SLC14A2: variants seen among roughly 807,000 people sequenced by gnomAD.
SLC14A2 encodes the protein solute carrier family 14 member 2.
Under a neutral mutation model 104.6 loss-of-function variants are expected in SLC14A2, and 91 were observed. That is an observed-to-expected ratio of 0.87 (90% CI 0.73 to 1.04). The LOEUF (loss-of-function observed/expected upper bound fraction) is 1.04. Ranked by LOEUF, SLC14A2 falls within the 50% of genes least tolerant of loss-of-function variation. The pLI is 0.00. For synonymous variants in SLC14A2, 476 were observed against 466.4 expected (o/e 1.02, Z -0.27); for missense variants, 1,189 against 1,156.0 (o/e 1.03, Z -0.41).
chr18:45,205,308 G>C, the SLC14A2 span, among the ~76,000 whole-genome samples: 2 of 152,190 alleles, frequency 1.3e-5, no homozygotes, highest in Non-Finnish European at 2.9e-5. Flanking sequence ...TACAAGTACA[G>C]GTTGCATGAA....
chr18:45,661,330 C>T (rs1285811590), intron 10 of SLC14A2, among the ~76,000 whole-genome samples: 1 of 152,158 alleles, frequency 6.6e-6, no homozygotes, highest in Non-Finnish European at 1.5e-5. Flanking sequence ...ACTGGAGTGC[C>T]TCTTTGGATA....
At chr18:45,237,703 C>G (rs1264936649) in intron 1 of SLC14A2, among the ~76,000 whole-genome samples, 1 of 152,180 alleles carries the variant, frequency 6.6e-6, no homozygotes, top group Admixed American at 6.5e-5. Context: ...TTCTGAAATG[C>G]TGAGAACTCT....
intron 1 of SLC14A2, among the ~76,000 whole-genome samples, chr18:45,312,940 C>T (rs758386299): frequency 6.6e-6 from 1 of 152,154 alleles, no homozygotes; most frequent in Non-Finnish European, 1.5e-5. Flanking sequence ...TCAGGGAAGC[C>T]GGTTGGCCTC....
intron 1 of SLC14A2, among the ~76,000 whole-genome samples, chr18:45,400,312 G>A (rs560694642): frequency 3.9e-5 from 6 of 152,214 alleles, no homozygotes; most frequent in Admixed American, 2.6e-4. Context: ...TGTGTTTTGC[G>A]ATTACAAGGC....
At chr18:45,282,374 T>C (rs1326677205) in intron 1 of SLC14A2, among the ~76,000 whole-genome samples, 1 of 152,170 alleles carries the variant, frequency 6.6e-6, no homozygotes, top group Non-Finnish European at 1.5e-5. Context: ...CCTGGAGTTA[T>C]TCTAAGAATT....
intron 1 of SLC14A2, among the ~76,000 whole-genome samples, chr18:45,403,320 G>T (rs1435674313): frequency 6.6e-6 from 1 of 152,118 alleles, no homozygotes; most frequent in African/African-American, 2.4e-5. Flanking sequence ...CAGTCACACT[G>T]GGGATTAGGG....
In SLC14A2 at chr18:45,248,296, A is replaced by C. The variant is rs535546169; in HGVS notation, c.-125+35105A>C. 7.9e-5 allele frequency among the ~76,000 whole-genome samples: 12 copies of C among 152,258 alleles called. No homozygotes were observed. The South Asian group carries it at 2.5e-3, about 32-fold the overall frequency. ...TGTCAAACCCATTTTATCGTCCCAT[A>C]GCAAATACCGGATGCTTTGATTTGA... On this transcript the variant is annotated intron_variant, in intron 1 of 20. Transcript: ENST00000586448.
intron 2 of SLC14A2, among the ~76,000 whole-genome samples, chr18:45,523,381 G>A (rs1223933482): frequency 6.6e-6 from 1 of 151,904 alleles, no homozygotes; most frequent in African/African-American, 2.4e-5. Context: ...CCAGGCTGGA[G>A]TGCAGTGGCG....
Position 45,624,732 on chromosome 18 carries a change from CAG to C in SLC14A2, c.71_72del (p.Glu24ValfsTer24). 6.2e-7 allele frequency: 1 copy of C among 1,613,486 alleles called. No homozygotes were observed. The highest frequency in any genetic ancestry group is 8.5e-7 in the Non-Finnish European group (1 of 1,179,682). ...TCCAGCAGATACAAACTCTACGAGG[CAG>C]AGTTTACCAGCCCGAGCTGGCCCTC... On this transcript the variant is annotated frameshift_variant, in exon 2 of 20. Coordinates refer to ENST00000255226, the MANE Select transcript of SLC14A2 (RefSeq NM_007163.4). LOFTEE classifies it high-confidence loss of function.
intron 2 of SLC14A2, among the ~76,000 whole-genome samples, chr18:45,565,451 T>G (rs1291725859): frequency 6.6e-6 from 1 of 152,226 alleles, no homozygotes; most frequent in African/African-American, 2.4e-5. Context: ...TACGTGAGCA[T>G]GCATGTGCAT....
chr18:45,615,836 T>TGTGTGA (rs752876528), intron 1 of SLC14A2, among the ~76,000 whole-genome samples: 11 of 148,660 alleles, frequency 7.4e-5, no homozygotes, highest in Admixed American at 3.3e-4. Flanking sequence ...TGTGTGTGTG[T>TGTGTGA]GAGAGAGAGA....
At chr18:45,455,545 G>A (rs910701891) in intron 1 of SLC14A2, among the ~76,000 whole-genome samples, 1 of 152,036 alleles carries the variant, frequency 6.6e-6, no homozygotes, top group African/African-American at 2.4e-5. Context: ...ACTAATGTAG[G>A]TGATGGGTTG....
At chr18:45,264,060 C>T (rs2084566920) in intron 1 of SLC14A2, among the ~76,000 whole-genome samples, 1 of 152,118 alleles carries the variant, frequency 6.6e-6, no homozygotes, top group Non-Finnish European at 1.5e-5. Flanking sequence ...TTCTATCTAT[C>T]CATCTATCTC....
At chr18:45,592,777 C>A (rs1212579719) in intron 2 of SLC14A2, among the ~76,000 whole-genome samples, 1 of 152,198 alleles carries the variant, frequency 6.6e-6, no homozygotes, top group Non-Finnish European at 1.5e-5. Context: ...CAGTTCAAGT[C>A]CAGCAGAGCC....
At chr18:45,198,928 T>G in the SLC14A2 span, among the ~76,000 whole-genome samples, 2 of 152,184 alleles carry the variant, frequency 1.3e-5, no homozygotes, top group Non-Finnish European at 2.9e-5. Context: ...ACCTAGTTTC[T>G]TTGTGCACCA....
At chr18:45,242,907 A>G (rs1434735801) in intron 1 of SLC14A2, among the ~76,000 whole-genome samples, 2 of 152,226 alleles carry the variant, frequency 1.3e-5, no homozygotes, top group East Asian at 3.9e-4. Flanking sequence ...GGTTTGGCCT[A>G]TTGAGCTAAG....
chr18:45,605,712 T>C (rs1225531001), intron 2 of SLC14A2, among the ~76,000 whole-genome samples: 1 of 152,138 alleles, frequency 6.6e-6, no homozygotes, highest in Non-Finnish European at 1.5e-5. Flanking sequence ...TAAATTTAGA[T>C]CCCAGGTCTC....
At chr18:45,498,984 C>T (rs1430804813) in intron 2 of SLC14A2, among the ~76,000 whole-genome samples, 1 of 152,196 alleles carries the variant, frequency 6.6e-6, no homozygotes, top group Non-Finnish European at 1.5e-5. Context: ...GTCACTGTAA[C>T]CATTACTTGG....
At chr18:45,400,158 A>G (rs2086080223) in intron 1 of SLC14A2, among the ~76,000 whole-genome samples, 1 of 152,230 alleles carries the variant, frequency 6.6e-6, no homozygotes, top group African/African-American at 2.4e-5. Flanking sequence ...ACCCCAATCA[A>G]GTTACACTAA....
Sources: allele counts gnomAD v4.1 joint callset (sites outside exome capture counted in the v4.1 genomes callset), GRCh38; gene constraint gnomAD v4.1.1; transcripts MANE v1.5; gene names NCBI Gene and HGNC (gene_info 2026-07-23, HGNC 2026-07-21).